COL20A1: variants seen among roughly 807,000 people sequenced by gnomAD.
COL20A1 encodes collagen type XX alpha 1 chain, also known as collagen alpha-1(XX) chain.
In COL20A1, 164 loss-of-function variants were observed where a neutral mutation model predicts 152.9. The observed-to-expected ratio is 1.07, with a 90% CI of 0.94 to 1.22. COL20A1 has a LOEUF of 1.22. Among genes scored for constraint, COL20A1 ranks in the 50% most tolerant of loss-of-function variants. The pLI is 0.00. For synonymous variants in COL20A1, 864 were observed against 756.0 expected (o/e 1.14, Z -2.34); for missense variants, 1,873 against 1,744.8 (o/e 1.07, Z -1.31).
In COL20A1 at chr20:63,307,410, G is replaced by A. The variant is rs1765471845; in HGVS notation, c.497-80G>A. 27 of 1,377,718 alleles carry A rather than the reference G, an allele frequency of 2.0e-5. 1 individual carries two copies. The highest frequency in any genetic ancestry group is 2.7e-5 in the Non-Finnish European group (27 of 1,009,660). The allele number at this position is 1,377,718 out of a possible 1,614,324, so 85.3% of individuals were successfully genotyped here. On this transcript the variant is annotated intron_variant, in intron 5 of 35. Coordinates refer to ENST00000358894, the MANE Select transcript of COL20A1 (RefSeq NM_020882.4). Reference sequence around the variant, plus strand: ...CCAGCCTGCCTCACTCTTGTGGCTGGAGCCCCGGGGTAGGTGATCTGGGGG... The same window carrying A: ...CCAGCCTGCCTCACTCTTGTGGCTGAAGCCCCGGGGTAGGTGATCTGGGGG...
At chr20:63,325,597 GCCT>G in intron 28 of COL20A1, 68 bp from the exon 29 acceptor site, 1 of 1,558,138 alleles carries the variant, frequency 6.4e-7, no homozygotes. Context: ...TGGGGGTGAG[GCCT>G]CACAGGCAGG....
chr20:63,315,137 G>A (rs1329149337), intron 19 of COL20A1, among the ~76,000 whole-genome samples: 4 of 152,244 alleles, frequency 2.6e-5, no homozygotes, highest in Non-Finnish European at 2.9e-5. Flanking sequence ...TGCCTGGTAC[G>A]ACCCGGGGCC....
intron 3 of COL20A1, among the ~76,000 whole-genome samples, chr20:63,304,968 G>A (rs975912469): frequency 1.3e-5 from 2 of 152,182 alleles, no homozygotes; most frequent in African/African-American, 4.8e-5. Flanking sequence ...TAGAATCATG[G>A]AGTCACACAG....
chr20:63,305,604 G>A lies in COL20A1; in HGVS notation c.337+44G>A, dbSNP rs779680979. On this transcript the variant is annotated intron_variant, in intron 4 of 35. Transcript: ENST00000358894. The surrounding 1 kb of genome is among the most constrained non-coding windows in gnomAD (Gnocchi z 4.9). ...AGCTGGGTACCCACTCCTCCAGGCC[G>A]GGTCCCACCCTCCTCTGGGCTGGGG... 3.8e-5 allele frequency: 59 copies of A among 1,544,326 alleles called. No homozygotes were observed. In the South Asian group the frequency reaches 5.2e-4, roughly 14 times the overall value.
At position 63,311,423 on chromosome 20, in the gene COL20A1, C is replaced by A; in HGVS notation, c.1423C>A (p.Leu475Met). The change falls in exon 12 of 36, where the codon CTG (leucine) becomes ATG (methionine). Residue 475 changes from leucine to methionine, a missense_variant. Coordinates refer to ENST00000358894, the MANE Select transcript of COL20A1 (RefSeq NM_020882.4). This position sits in a 1 kb window ranked among gnomAD's most constrained non-coding sequence, Gnocchi z 4.4. Reference sequence around the variant, plus strand: ...TCTGCCTCCGCCCCGGGCGCTGACCCTGGCCGCAGTGACGCCCAGAACCGT... The same window carrying A: ...TCTGCCTCCGCCCCGGGCGCTGACCATGGCCGCAGTGACGCCCAGAACCGT... Reference protein sequence around the residue: ...APLPPPRALTLAAVTPRTVHL... With the variant: ...APLPPPRALTMAAVTPRTVHL... 1 of 1,578,660 alleles carries A rather than the reference C, an allele frequency of 6.3e-7. No homozygotes were observed. Among genetic ancestry groups the A allele is most frequent in the East Asian group, 2.3e-5 (1 of 42,964 alleles).
intron 19 of COL20A1, 54 bp downstream of exon 19, chr20:63,314,255 T>C: frequency 6.7e-7 from 1 of 1,486,042 alleles, no homozygotes; most frequent in African/African-American, 1.4e-5. Context: ...AGCCGGGCCC[T>C]AGACCCCAGA....
rs374721790 is a variant in COL20A1, at chr20:63,329,655, G to A, written c.3852G>A (p.Glu1284=). 1.9e-6 allele frequency: 3 copies of A among 1,587,692 alleles called. No individual in the cohort carries two copies. The highest frequency in any genetic ancestry group is 1.7e-5 in the Admixed American group (1 of 57,544). Residue 1284 remains glutamate, a synonymous_variant, in exon 35 of 36, where the codon GAG becomes GAA. Coordinates refer to ENST00000358894, the MANE Select transcript of COL20A1 (RefSeq NM_020882.4). ...QQGASTQGLW[E] Reference sequence around the variant, plus strand: ...GGGCTAGCACCCAGGGCCTCTGGGAGTGACAGGTGAGCCCCTGCTGCCTGC... The same window carrying A: ...GGGCTAGCACCCAGGGCCTCTGGGAATGACAGGTGAGCCCCTGCTGCCTGC...
At position 63,311,236 on chromosome 20, in the gene COL20A1, A is replaced by G. The variant is rs1483419095; in HGVS notation, c.1394-158A>G. On this transcript the variant is annotated intron_variant, in intron 11 of 35. Transcript: ENST00000358894. This position sits in a 1 kb window ranked among gnomAD's most constrained non-coding sequence, Gnocchi z 4.4. ...TTGTGTCCCCAGAGCTGGAGCCACA[A>G]ACCTTGGCCCAAGGTGAAGCCTGGG... Among the ~76,000 whole-genome samples, 1 of 152,200 alleles carries G rather than the reference A, an allele frequency of 6.6e-6. No homozygotes were observed. The highest frequency in any genetic ancestry group is 1.5e-5 in the Non-Finnish European group (1 of 68,030).
At chr20:63,321,819 T>C (rs2068167725) in intron 26 of COL20A1, among the ~76,000 whole-genome samples, 1 of 152,120 alleles carries the variant, frequency 6.6e-6, no homozygotes, top group East Asian at 1.9e-4. Flanking sequence ...GTCCACAGCC[T>C]TGTCTACTCA....
rs1568788362 is a variant in COL20A1, at chr20:63,325,430, T to TC, written c.3295-6dup. 1 of 1,608,210 alleles carries TC rather than the reference T, an allele frequency of 6.2e-7. No homozygotes were observed. Among genetic ancestry groups the TC allele is most frequent in the African/African-American group, 1.3e-5 (1 of 74,814 alleles). Reference sequence around the variant, plus strand: ...CTCCGCTTCGCTGTCCAGCCCATCTTCCCCCTCCAGGGTCCACCAGGGGTC... The same window carrying TC: ...CTCCGCTTCGCTGTCCAGCCCATCTTCCCCCCTCCAGGGTCCACCAGGGGTC... On this transcript the variant is annotated splice_polypyrimidine_tract_variant and intron_variant, in intron 27 of 35. Coordinates refer to ENST00000358894, the MANE Select transcript of COL20A1 (RefSeq NM_020882.4).
At chr20:63,328,666 C>A (rs117599262) in intron 34 of COL20A1, among the ~76,000 whole-genome samples, 168 bp downstream of exon 34, 1,709 of 152,292 alleles carry the variant, frequency 0.011, 19 homozygotes, top group Non-Finnish European at 0.017. Context: ...CTTCCCTGAG[C>A]CCACACAAAG....
chr20:63,319,086 G>C lies in COL20A1; in HGVS notation c.2692G>C (p.Glu898Gln). ...CGTCTACCCAGCCCCCCTACCTCCA[G>C]AGCACACCATCGTCTTCCTTGTGCG... ...SDVYPAPLPP[E>Q]HTIVFLVRLL... The change falls in exon 22 of 36, where the codon GAG (glutamate) becomes CAG (glutamine). Residue 898 changes from glutamate (E) to glutamine (Q), a missense_variant. Physicochemically the swap from Glu to Gln is conservative, Grantham distance 29. Transcript: ENST00000358894. This position sits in a 1 kb window ranked among gnomAD's most constrained non-coding sequence, Gnocchi z 4.4. 6.2e-7 allele frequency: 1 copy of C among 1,608,688 alleles called. No individual in the cohort carries two copies. The highest frequency in any genetic ancestry group is 8.5e-7 in the Non-Finnish European group (1 of 1,176,938).
At chr20:63,308,146 C>A in intron 7 of COL20A1, 56 bp downstream of exon 7, 1 of 1,583,408 alleles carries the variant, frequency 6.3e-7, no homozygotes, top group Non-Finnish European at 8.6e-7. Flanking sequence ...CTTCTGCCGC[C>A]CTCCCAGATC....
chr20:63,320,823 C>T (rs370202911), intron 25 of COL20A1, among the ~76,000 whole-genome samples, 190 bp from the exon 26 acceptor site: 1 of 152,130 alleles, frequency 6.6e-6, no homozygotes, highest in Admixed American at 6.5e-5. Flanking sequence ...GCTGGACACA[C>T]AGGGGCTCAG....
intron 31 of COL20A1, 54 bp downstream of exon 31, chr20:63,326,877 G>A: frequency 3.0e-6 from 4 of 1,315,236 alleles, no homozygotes; most frequent in Non-Finnish European, 4.1e-6. Context: ...AGCGAAGGGT[G>A]CAAGCCCCAC....
At position 63,320,044 on chromosome 20, in the gene COL20A1, C is replaced by T. The variant is rs931572339; in HGVS notation, c.2922C>T (p.His974=). 1.2e-5 allele frequency: 19 copies of T among 1,553,402 alleles called. No individual in the cohort carries two copies. The East Asian group carries it at 2.4e-4, about 20-fold the overall frequency. The change falls in exon 24 of 36, where the codon CAC becomes CAT. Residue 974 remains histidine (H), a synonymous_variant. Coordinates refer to ENST00000358894, the MANE Select transcript of COL20A1 (RefSeq NM_020882.4). ...KIFFGSFHKV[H]VAVGRSKVRL... is the part of the protein sequence containing the mutation. ...CCTCCCGTGCCGTCTCACAGGTGCACGTGGCTGTGGGCCGCTCCAAGGTCA... is the reference window on the plus strand; with the variant it reads ...CCTCCCGTGCCGTCTCACAGGTGCATGTGGCTGTGGGCCGCTCCAAGGTCA...
rs1008405938 is a variant in COL20A1, at chr20:63,306,520, G to T, written c.496+481G>T. On this transcript the variant is annotated intron_variant, in intron 5 of 35. Transcript: ENST00000358894. This position sits in a 1 kb window ranked among gnomAD's most constrained non-coding sequence, Gnocchi z 6.9. ...GTCTAGGGGGTGGTGAGAGGGGTGG[G>T]TCATGCTCCCCCAGGAGTGGGATCA... Among the ~76,000 whole-genome samples the T allele has an allele frequency of 6.6e-6, 1 of 152,236 alleles. No homozygotes were observed. The highest frequency in any genetic ancestry group is 6.5e-5 in the Admixed American group (1 of 15,290).
chr20:63,321,611 G>A (rs567903176), intron 26 of COL20A1, among the ~76,000 whole-genome samples: 14 of 152,294 alleles, frequency 9.2e-5, no homozygotes, highest in South Asian at 8.3e-4. Flanking sequence ...GGAGCTATAC[G>A]GGCCCTCTAC....
At position 63,332,657 on chromosome 20, in the gene COL20A1, A is replaced by G. The variant is rs1049772582; in HGVS notation, c.*1941A>G. ...GGGAACCAGGGTGGCTCTAATCCCC[A>G]CCACCCCCTCAGCTGCCCTACCCCC... is the stretch of plus-strand genomic sequence containing the variant. On this transcript the variant is annotated 3_prime_UTR_variant, in exon 36 of 36. Transcript: ENST00000358894. The G allele has an allele frequency of 6.6e-6, 1 of 152,008 alleles. No individual in the cohort carries two copies. 9.4% of individuals were successfully genotyped at this position (152,008 alleles called of 1,614,324 possible).
Sources: allele counts gnomAD v4.1 joint callset (sites outside exome capture counted in the v4.1 genomes callset), GRCh38; gene constraint gnomAD v4.1.1; non-coding constraint Gnocchi (gnomAD v3.1); transcripts MANE v1.5; gene names NCBI Gene and HGNC (gene_info 2026-07-23, HGNC 2026-07-21).